The following CREB5 variants were observed in gnomAD, a reference collection of about 807,000 sequenced individuals.
CREB5 encodes the protein cyclic AMP-responsive element-binding protein 5.
CREB5 carries 19 observed loss-of-function variants against 57.1 expected under a neutral mutation model. The ratio of observed to expected loss-of-function variants is 0.33; its 90% CI spans 0.23 to 0.49. The LOEUF (loss-of-function observed/expected upper bound fraction) is 0.49, where lower values mean the gene tolerates loss of function less well. CREB5 is among the 20% of genes least tolerant of loss of function. The probability of loss-of-function intolerance (pLI) is 0.99; values close to 1 mark genes in which losing one functional copy is unlikely to be tolerated. For missense variants in CREB5, 579 were observed against 671.6 expected (o/e 0.86, Z 1.52); for synonymous variants, 238 against 238.3 (o/e 1.00, Z 0.01).
At chr7:28,373,923 A>ATATATATATG (rs1334760302) in intron 1 of CREB5, among the ~76,000 whole-genome samples, 1 of 148,730 alleles carries the variant, frequency 6.7e-6, no homozygotes, top group Non-Finnish European at 1.5e-5. Flanking sequence ...ATATATATAT[A>ATATATATATG]TGTATAACTT....
In CREB5 at chr7:28,820,284, G is replaced by A. The variant is rs1809685777; in HGVS notation, c.*1005G>A. 6.6e-6 allele frequency: 1 copy of A among 152,554 alleles called. No homozygotes were observed. Among genetic ancestry groups the A allele is most frequent in the African/African-American group, 2.4e-5 (1 of 41,420 alleles). 9.5% of individuals were successfully genotyped at this position (152,554 alleles called of 1,614,324 possible). On this transcript the variant is annotated 3_prime_UTR_variant, in exon 11 of 11. Transcript: ENST00000357727. ...TGTGGGGCTATAACATGACACCCTTGGATTGCGACTGGTTTTATACGGCCT... is the reference window on the plus strand; with the variant it reads ...TGTGGGGCTATAACATGACACCCTTAGATTGCGACTGGTTTTATACGGCCT...
chr7:28,337,084 A>G (rs941727991), intron 1 of CREB5, among the ~76,000 whole-genome samples: 4 of 152,058 alleles, frequency 2.6e-5, no homozygotes, highest in African/African-American at 9.7e-5. Context: ...AATATTTTGA[A>G]CTTTTTTAAG....
chr7:28,567,099 A>G (rs1255162419), intron 4 of CREB5, among the ~76,000 whole-genome samples: 1 of 152,212 alleles, frequency 6.6e-6, no homozygotes, highest in Admixed American at 6.5e-5. Flanking sequence ...GATGTAAACA[A>G]TGGTGGTTGT....
At chr7:28,432,934 A>G (rs1299349226) in intron 1 of CREB5, among the ~76,000 whole-genome samples, 1 of 152,136 alleles carries the variant, frequency 6.6e-6, no homozygotes, top group African/African-American at 2.4e-5. Context: ...GAGTATTTAC[A>G]GTTTTGTGTT....
chr7:28,621,787 C>T (rs1204520865), intron 5 of CREB5, among the ~76,000 whole-genome samples: 2 of 152,098 alleles, frequency 1.3e-5, no homozygotes, highest in African/African-American at 4.8e-5. Context: ...TGTCGTCATA[C>T]CAAGCAAGCA....
At chr7:28,328,670 C>T (rs548294550) in intron 1 of CREB5, among the ~76,000 whole-genome samples, 6 of 152,176 alleles carry the variant, frequency 3.9e-5, no homozygotes, top group African/African-American at 1.4e-4. Context: ...AGCCATATAC[C>T]GTCATTAGGC....
At chr7:28,445,959 C>G (rs1010559666) in intron 1 of CREB5, among the ~76,000 whole-genome samples, 1 of 152,226 alleles carries the variant, frequency 6.6e-6, no homozygotes, top group Admixed American at 6.5e-5. Context: ...CAAAACCAAA[C>G]AAACCCAACA....
At position 28,815,199 on chromosome 7, in the gene CREB5, G is replaced by A. The variant is rs149441767; in HGVS notation, c.1255-2872G>A. Among the ~76,000 whole-genome samples the A allele has an allele frequency of 3.9e-3, 587 of 152,316 alleles. 2 individuals are homozygous for A. Among genetic ancestry groups the A allele is most frequent in the African/African-American group, 0.013 (551 of 41,564 alleles). On this transcript the variant is annotated intron_variant, in intron 9 of 10. Transcript: ENST00000357727. ...GAGGTGGGAGGATTGCTTGAGCCCA[G>A]GAGGTAGAGGCTGCAGTGAACTATG...
At chr7:28,391,411 C>T (rs1562688382) in intron 1 of CREB5, among the ~76,000 whole-genome samples, 2 of 152,098 alleles carry the variant, frequency 1.3e-5, no homozygotes, top group Non-Finnish European at 2.9e-5. Flanking sequence ...ACTAATCGGC[C>T]GTTATGTGCC....
At chr7:28,402,121 G>C (rs1393252787) in intron 1 of CREB5, among the ~76,000 whole-genome samples, 1 of 152,144 alleles carries the variant, frequency 6.6e-6, no homozygotes, top group Admixed American at 6.5e-5. Context: ...GTGTGAGATG[G>C]TATCTCATTG....
rs570406373 is a variant in CREB5 at position 28,437,390 on chromosome 7, G to A, written c.3+24473G>A. 6.0e-5 allele frequency among the ~76,000 whole-genome samples: 9 copies of A among 151,038 alleles called. No homozygotes were observed. In the South Asian group the frequency reaches 1.3e-3, roughly 21 times the overall value. On this transcript the variant is annotated intron_variant, in intron 1 of 10. Coordinates refer to ENST00000357727, the MANE Select transcript of CREB5 (RefSeq NM_182898.4). ...TGGGAGCCTCCTTTCTTGGTACTCC[G>A]AATCACTCTAGAAACTTGCCAAGAG...
intron 1 of CREB5, among the ~76,000 whole-genome samples, chr7:28,310,116 T>C (rs928577820): frequency 1.3e-5 from 2 of 152,070 alleles, no homozygotes; most frequent in South Asian, 2.1e-4. Flanking sequence ...AAGTGCAGTA[T>C]GAGGTCAAAA....
rs545396621 is a variant in CREB5 at position 28,722,187 on chromosome 7, C to T, written c.592-2035C>T. Reference sequence around the variant, plus strand: ...AGGTTAGGTAGAGACTATAGCTTTTCCAAAAAGTGGGAAGCGTTGCTGACT... The same window carrying T: ...AGGTTAGGTAGAGACTATAGCTTTTTCAAAAAGTGGGAAGCGTTGCTGACT... On this transcript the variant is annotated intron_variant, in intron 6 of 10. Coordinates refer to ENST00000357727, the MANE Select transcript of CREB5 (RefSeq NM_182898.4). Among the ~76,000 whole-genome samples the T allele has an allele frequency of 5.2e-3, 798 of 152,288 alleles. 3 individuals are homozygous for T. Among genetic ancestry groups the T allele is most frequent in the Middle Eastern group, 0.024 (7 of 294 alleles).
At chr7:28,515,260 T>G (rs1792894005) in intron 4 of CREB5, among the ~76,000 whole-genome samples, 1 of 152,226 alleles carries the variant, frequency 6.6e-6, no homozygotes, top group Admixed American at 6.5e-5. Flanking sequence ...AGGGAGCCAG[T>G]GGTTTATGTG....
intron 7 of CREB5, among the ~76,000 whole-genome samples, chr7:28,788,924 A>C (rs1342176208): frequency 6.6e-6 from 1 of 152,028 alleles, no homozygotes; most frequent in Non-Finnish European, 1.5e-5. Context: ...GAGGGAAATA[A>C]GAGTAAAAGA....
At chr7:28,353,111 TGA>T (rs942333215) in intron 1 of CREB5, among the ~76,000 whole-genome samples, 4 of 152,206 alleles carry the variant, frequency 2.6e-5, no homozygotes, top group Non-Finnish European at 4.4e-5. Context: ...TTTTGTTTTT[TGA>T]GAGTCTTGCT....
chr7:28,696,529 C>T (rs1345102101), intron 5 of CREB5, among the ~76,000 whole-genome samples: 3 of 152,096 alleles, frequency 2.0e-5, no homozygotes, highest in East Asian at 1.9e-4. Flanking sequence ...TTTCCAGCCA[C>T]GTGATCTTTA....
chr7:28,309,395 G>T (rs1355059714), intron 1 of CREB5, among the ~76,000 whole-genome samples: 1 of 152,130 alleles, frequency 6.6e-6, no homozygotes, highest in Non-Finnish European at 1.5e-5. Flanking sequence ...CTTTTCTCTT[G>T]ATGCCATAAC....
At chr7:28,457,845 C>T (rs1044098356) in intron 1 of CREB5, among the ~76,000 whole-genome samples, 8 of 152,216 alleles carry the variant, frequency 5.3e-5, no homozygotes, top group East Asian at 3.9e-4. Context: ...GAGCCTATGG[C>T]GGTAGCTGGT....
Sources: allele counts gnomAD v4.1 joint callset (sites outside exome capture counted in the v4.1 genomes callset), GRCh38; gene constraint gnomAD v4.1.1; transcripts MANE v1.5; gene names NCBI Gene and HGNC (gene_info 2026-07-23, HGNC 2026-07-21).